JMJD1C: variants seen among roughly 807,000 people sequenced by gnomAD.
JMJD1C encodes jumonji domain containing 1C, also known as jumonji domain-containing protein 1C.
A neutral mutation model predicts 245.3 loss-of-function variants in JMJD1C; 31 were observed. The observed-to-expected ratio is 0.13, with a 90% CI of 0.09 to 0.17. The LOEUF is 0.17. Among genes scored for constraint, JMJD1C ranks in the 10% least tolerant of loss-of-function variants. The probability of loss-of-function intolerance (pLI) is 1.00; values close to 1 mark genes in which losing one functional copy is unlikely to be tolerated. For missense variants in JMJD1C, 2,691 were observed against 3,000.2 expected, an observed-to-expected ratio of 0.90 and a Z score of 2.41; for synonymous variants, 1,057 against 1,017.4, an observed-to-expected ratio of 1.04 and a Z score of -0.74.
chr10:63,339,974 T>C (rs1943218623), intron 2 of JMJD1C, among the ~76,000 whole-genome samples: 4 of 152,030 alleles, frequency 2.6e-5, no homozygotes, highest in Non-Finnish European at 4.4e-5. Flanking sequence ...GCAGGAGAAA[T>C]GCTTGAACCC....
At chr10:63,341,345 C>T (rs1943359973) in intron 2 of JMJD1C, among the ~76,000 whole-genome samples, 1 of 152,208 alleles carries the variant, frequency 6.6e-6, no homozygotes, top group South Asian at 2.1e-4. Flanking sequence ...ACTGATGAAA[C>T]ATCAATGTTG....
intron 1 of JMJD1C, among the ~76,000 whole-genome samples, chr10:63,490,403 ATAATTATT>A (rs1954129925): frequency 6.8e-6 from 1 of 147,070 alleles, no homozygotes; most frequent in Non-Finnish European, 1.5e-5. Flanking sequence ...AGCACAATCT[ATAATTATT>A]TATTTATTTT....
chr10:63,180,766 C>G (rs1433238919), intron 22 of JMJD1C, among the ~76,000 whole-genome samples: 2 of 115,264 alleles, frequency 1.7e-5, no homozygotes, highest in African/African-American at 5.9e-5. Context: ...CCATGCACAG[C>G]TAATTTTTTT....
intron 1 of JMJD1C, among the ~76,000 whole-genome samples, chr10:63,418,911 T>C (rs1260293535): frequency 6.6e-6 from 1 of 151,518 alleles, no homozygotes; most frequent in Non-Finnish European, 1.5e-5. Flanking sequence ...ACTCTGTCTG[T>C]ACCAAAAATA....
intron 2 of JMJD1C, among the ~76,000 whole-genome samples, chr10:63,329,971 G>C (rs914955675): frequency 6.6e-6 from 1 of 152,206 alleles, no homozygotes; most frequent in African/African-American, 2.4e-5. Flanking sequence ...TACAATCTAG[G>C]CTCACTGCAA....
At chr10:63,415,739 A>G (rs1033139088) in intron 1 of JMJD1C, among the ~76,000 whole-genome samples, 3 of 152,230 alleles carry the variant, frequency 2.0e-5, no homozygotes, top group African/African-American at 7.2e-5. Context: ...TTTCCTTAAA[A>G]TCGTCTCATA....
In JMJD1C at chr10:63,214,515, G is replaced by C; in HGVS notation, c.1652C>G (p.Ala551Gly). ...VSDSKHSIAN[A>G]KFLETAKKDS... ...TTTTTTTGCTGTTTCCAAGAATTTTGCATTTGCAATAGAGTGTTTTGAATC... is the reference window on the plus strand; with the variant it reads ...TTTTTTTGCTGTTTCCAAGAATTTTCCATTTGCAATAGAGTGTTTTGAATC... The change falls in exon 8 of 26, where the codon GCA becomes GGA. Residue 551 changes from alanine to glycine, a missense_variant. Ala to Gly is a moderately conservative substitution (Grantham distance 60). Coordinates refer to ENST00000399262, the MANE Select transcript of JMJD1C (RefSeq NM_032776.3). 6.2e-7 allele frequency: 1 copy of C among 1,613,854 alleles called. No homozygotes were observed. Among genetic ancestry groups the C allele is most frequent in the Non-Finnish European group, 8.5e-7 (1 of 1,179,954 alleles).
In JMJD1C at chr10:63,213,527, A is replaced by G. The variant is rs1847617351; in HGVS notation, c.2640T>C (p.Ser880=). 6.2e-7 allele frequency: 1 copy of G among 1,609,490 alleles called. No homozygotes were observed. Among genetic ancestry groups the G allele is most frequent in the African/African-American group, 1.3e-5 (1 of 74,866 alleles). ...THAYSGLGLP[S]SKWVHPENAV... The stretch of plus-strand genomic sequence containing the variant: ...CATTTTCTGGGTGAACCCACTTAGA[A>G]GAAGGCAAACCAAGTCCTGAGTATG... The change falls in exon 8 of 26, where the codon TCT becomes TCC. Residue 880 remains serine, a synonymous_variant. Coordinates refer to ENST00000399262, the MANE Select transcript of JMJD1C (RefSeq NM_032776.3).
intron 1 of JMJD1C, among the ~76,000 whole-genome samples, chr10:63,411,840 G>A (rs1399724202): frequency 6.7e-6 from 1 of 149,148 alleles, no homozygotes; most frequent in African/African-American, 2.5e-5. Context: ...CTGACCTCAT[G>A]ATCCCACCTA....
chr10:63,503,235 A>T (rs886623161), intron 1 of JMJD1C, among the ~76,000 whole-genome samples: 1 of 152,212 alleles, frequency 6.6e-6, no homozygotes, highest in Non-Finnish European at 1.5e-5. Flanking sequence ...TAAATGTGAA[A>T]TTCCCTAACT....
chr10:63,277,933 C>T lies in JMJD1C; in HGVS notation c.334-13169G>A, dbSNP rs993574990. On this transcript the variant is annotated intron_variant, in intron 2 of 25. Transcript: ENST00000399262. ...TCTATTTTTAGTAGAGATGGGGTTT[C>T]GCCATGTTGGCCAGGCTGGTCTCCA... Among the ~76,000 whole-genome samples the T allele has an allele frequency of 1.5e-4, 22 of 151,568 alleles. No individual in the cohort carries two copies. The South Asian group carries it at 1.9e-3, about 13-fold the overall frequency.
intron 8 of JMJD1C, among the ~76,000 whole-genome samples, chr10:63,213,001 C>G (rs1847545198): frequency 6.6e-6 from 1 of 151,118 alleles, no homozygotes; most frequent in Non-Finnish European, 1.5e-5. Context: ...GCCTGACCAA[C>G]ATGGTAAAAC....
intron 2 of JMJD1C, chr10:63,301,777 C>A: frequency 2.3e-6 from 1 of 435,384 alleles, no homozygotes; most frequent in Admixed American, 2.6e-5. Context: ...TGTAACAAAC[C>A]GGCACGTTCT....
chr10:63,194,690 TTCTA>T lies in JMJD1C; in HGVS notation c.5645-319_5645-316del, dbSNP rs1362870546. 4 of 231,268 alleles carry T rather than the reference TTCTA, an allele frequency of 1.7e-5. 1 individual carries two copies. The South Asian group carries it at 2.1e-4, about 12-fold the overall frequency. 14.3% of individuals were successfully genotyped at this position (231,268 alleles called of 1,614,324 possible). On this transcript the variant is annotated intron_variant, in intron 13 of 25. Transcript: ENST00000399262. ...GTGACCTCTATCTTTGTAGCTAATC[TTCTA>T]TCTCTTAGCTGTTTTCTGTGCCAAA...
At chr10:63,500,436 A>C (rs574733172) in intron 1 of JMJD1C, among the ~76,000 whole-genome samples, 6 of 151,868 alleles carry the variant, frequency 4.0e-5, no homozygotes, top group African/African-American at 1.4e-4. Context: ...AGGAAAAAAA[A>C]AAAAAAAAGA....
At chr10:63,341,585 A>G (rs565788216) in intron 2 of JMJD1C, among the ~76,000 whole-genome samples, 7 of 152,312 alleles carry the variant, frequency 4.6e-5, no homozygotes, top group African/African-American at 1.7e-4. Context: ...TCTTTTTTGA[A>G]TGGTTTCACA....
chr10:63,215,715 CA>C lies in JMJD1C; in HGVS notation c.679-20del. 1 of 1,489,792 alleles carries C rather than the reference CA, an allele frequency of 6.7e-7. No individual in the cohort carries two copies. The highest frequency in any genetic ancestry group is 9.0e-7 in the Non-Finnish European group (1 of 1,107,196). 92.3% of individuals were successfully genotyped at this position (1,489,792 alleles called of 1,614,324 possible). A position where few individuals can be genotyped will look rare whatever the true frequency, so the allele number is the denominator to read the frequency against. On this transcript the variant is annotated intron_variant, in intron 5 of 25. Transcript: ENST00000399262. ...CTAGTACCTAATCCATGATACAAAA[CA>C]AAAACAAAAATTAAATAGAATGAGC...
chr10:63,224,792 G>A (rs1430773630), intron 3 of JMJD1C, among the ~76,000 whole-genome samples: 4 of 152,092 alleles, frequency 2.6e-5, no homozygotes, highest in Non-Finnish European at 5.9e-5. Context: ...GGCCGGGTGC[G>A]ATGGCTCACA....
chr10:63,458,301 C>G (rs1395208065), intron 1 of JMJD1C, among the ~76,000 whole-genome samples: 1 of 151,994 alleles, frequency 6.6e-6, no homozygotes, highest in Non-Finnish European at 1.5e-5. Flanking sequence ...GCCTGGGCAA[C>G]ACAGTCAGAC....
Sources: gnomAD v4.1 joint callset for allele counts (sites outside exome capture counted in the v4.1 genomes callset) on GRCh38, gnomAD v4.1.1 for gene constraint, MANE v1.5 for transcripts, NCBI Gene and HGNC (gene_info 2026-07-23, HGNC 2026-07-21) for gene names.